Variants in DENND2B observed in about 807,000 individuals in gnomAD.
The protein encoded by DENND2B is DENN domain containing 2B.
Under a neutral mutation model 116.0 loss-of-function variants are expected in DENND2B, and 32 were observed. The observed-to-expected ratio is 0.28, with a 90% CI of 0.21 to 0.37. The LOEUF (loss-of-function observed/expected upper bound fraction) is 0.37, where lower values mean the gene tolerates loss of function less well. Ranked by LOEUF, DENND2B falls within the 10% of genes least tolerant of loss-of-function variation. The pLI, the probability that DENND2B is intolerant of heterozygous loss-of-function variation, is 1.00. For synonymous variants in DENND2B, 588 were observed against 583.9 expected, an observed-to-expected ratio of 1.01 and a Z score of -0.10; for missense variants, 1,276 against 1,477.7, an observed-to-expected ratio of 0.86 and a Z score of 2.24.
In DENND2B at chr11:8,805,604, G is replaced by A. The variant is rs552205495; in HGVS notation, c.-26+4913C>T. Among the ~76,000 whole-genome samples the A allele has an allele frequency of 6.2e-4, 95 of 152,038 alleles. 1 individual carries two copies. The highest frequency in any genetic ancestry group is 2.1e-3 in the African/African-American group (85 of 41,460). ...TTGGCTCTCTTCCTTCATTCGAATC[G>A]TGCTTGAAATCAGTCTGTTGGACCC... On this transcript the variant is annotated intron_variant, in intron 1 of 19. Transcript: ENST00000313726.
At chr11:8,795,431 G>A (rs1408070413) in intron 1 of DENND2B, among the ~76,000 whole-genome samples, 1 of 152,068 alleles carries the variant, frequency 6.6e-6, no homozygotes, top group East Asian at 1.9e-4. Flanking sequence ...TTCCAAACTT[G>A]TTAAAAATGC....
intron 11 of DENND2B, among the ~76,000 whole-genome samples, 187 bp downstream of exon 11, chr11:8,710,658 A>T (rs559223121): frequency 4.6e-5 from 7 of 152,104 alleles, no homozygotes; most frequent in African/African-American, 1.7e-4. Context: ...CTCCCAGGGT[A>T]GCCTCACCTG....
intron 3 of DENND2B, among the ~76,000 whole-genome samples, chr11:8,855,545 CAG>C (rs2134661389): frequency 6.6e-6 from 1 of 151,968 alleles, no homozygotes; most frequent in East Asian, 2.0e-4. Flanking sequence ...ACGGAGCAGG[CAG>C]ATGCAAAGAG....
chr11:8,745,971 T>C (rs1038526235), intron 2 of DENND2B, among the ~76,000 whole-genome samples: 9 of 152,226 alleles, frequency 5.9e-5, no homozygotes, highest in African/African-American at 2.2e-4. Context: ...CAAATTGCAA[T>C]TGGTGGGCAA....
At chr11:8,780,321 A>C (rs986248785) in intron 1 of DENND2B, among the ~76,000 whole-genome samples, 1 of 152,220 alleles carries the variant, frequency 6.6e-6, no homozygotes, top group Non-Finnish European at 1.5e-5. Flanking sequence ...TGCCATTAGA[A>C]AGATGAAATT....
intron 3 of DENND2B, among the ~76,000 whole-genome samples, chr11:8,853,747 G>A (rs72851528): frequency 0.023 from 3,472 of 152,292 alleles, 62 homozygotes; most frequent in Middle Eastern, 0.051. Flanking sequence ...ATCTGTATGC[G>A]TAGAGAAAGA....
At chr11:8,840,479 G>A (rs893809557) in intron 3 of DENND2B, among the ~76,000 whole-genome samples, 2 of 152,198 alleles carry the variant, frequency 1.3e-5, no homozygotes, top group African/African-American at 4.8e-5. Flanking sequence ...AGTCGGGCAA[G>A]CTTCCCACAC....
intron 1 of DENND2B, among the ~76,000 whole-genome samples, chr11:8,885,855 G>A (rs966195180): frequency 6.6e-6 from 1 of 152,118 alleles, no homozygotes; most frequent in African/African-American, 2.4e-5. Flanking sequence ...AATAAGTTTT[G>A]TATGTTCAGC....
At chr11:8,797,563 T>C (rs766563855) in intron 1 of DENND2B, among the ~76,000 whole-genome samples, 10 of 147,092 alleles carry the variant, frequency 6.8e-5, no homozygotes, top group Non-Finnish European at 1.0e-4. Context: ...TTCTCTTCTC[T>C]GAGACAGAGT....
chr11:8,832,681 C>A (rs2062263537), intron 4 of DENND2B: 1 of 152,510 alleles, frequency 6.6e-6, no homozygotes, highest in Non-Finnish European at 1.5e-5. Context: ...CAGATAGTTT[C>A]CCAGAAGTGT....
At chr11:8,901,232 T>TTCTTTTCTTTC (rs1383580426) in intron 1 of DENND2B, among the ~76,000 whole-genome samples, 3 of 82,756 alleles carry the variant, frequency 3.6e-5, no homozygotes, top group South Asian at 4.1e-4. Context: ...TTCTTTTCTT[T>TTCTTTTCTTTC]TTTTTTTTTT....
chr11:8,822,041 C>T (rs2061787218), intron 4 of DENND2B, among the ~76,000 whole-genome samples: 1 of 152,186 alleles, frequency 6.6e-6, no homozygotes, highest in East Asian at 1.9e-4. Context: ...TACCATTCAA[C>T]ATACATTTAT....
At position 8,693,979 on chromosome 11, in the gene DENND2B, G is replaced by T; in HGVS notation, c.*117C>A. ...GATGAAGGCAGAGGTGGGCTGGCTT[G>T]GAGGATAGGATCTGTGGGGGCAGAG... On this transcript the variant is annotated 3_prime_UTR_variant, in exon 20 of 20. Transcript: ENST00000313726. The T allele has an allele frequency of 9.4e-7, 1 of 1,064,006 alleles. No homozygotes were observed. The highest frequency in any genetic ancestry group is 1.4e-6 in the Non-Finnish European group (1 of 715,824). 65.9% of individuals were successfully genotyped at this position (1,064,006 alleles called of 1,614,324 possible). A position where few individuals can be genotyped will look rare whatever the true frequency, so the allele number is the denominator to read the frequency against.
intron 1 of DENND2B, among the ~76,000 whole-genome samples, chr11:8,803,562 C>G (rs957671104): frequency 6.6e-6 from 1 of 152,186 alleles, no homozygotes; most frequent in Non-Finnish European, 1.5e-5. Context: ...GACTTTCTAC[C>G]GCTATATGTA....
At chr11:8,718,455 G>A in intron 4 of DENND2B, 3 of 1,512,404 alleles carry the variant, frequency 2.0e-6, no homozygotes, top group Non-Finnish European at 1.8e-6. Context: ...AAGTCTTTTA[G>A]GGCAGGGTTT....
intron 2 of DENND2B, among the ~76,000 whole-genome samples, chr11:8,878,851 G>A (rs560242147): frequency 6.6e-6 from 1 of 152,314 alleles, no homozygotes; most frequent in South Asian, 2.1e-4. Context: ...AATCCACAGA[G>A]ACAGAAGATA....
chr11:8,772,729 G>A (rs924146965), intron 1 of DENND2B, among the ~76,000 whole-genome samples: 25 of 152,202 alleles, frequency 1.6e-4, no homozygotes, highest in African/African-American at 5.8e-4. Context: ...ACACCTGGGC[G>A]GCTCCAGCGT....
intron 2 of DENND2B, chr11:8,877,541 GA>G (rs1373727505): frequency 6.6e-6 from 1 of 151,996 alleles, no homozygotes; most frequent in Non-Finnish European, 1.5e-5. Flanking sequence ...TTTATTGGAA[GA>G]AATTAAAGTC....
intron 2 of DENND2B, among the ~76,000 whole-genome samples, chr11:8,864,464 C>T (rs892859523): frequency 6.6e-5 from 10 of 152,124 alleles, no homozygotes; most frequent in African/African-American, 2.4e-4. Flanking sequence ...AGGACAGAGT[C>T]TCACTGTGTT....
Sources: allele counts gnomAD v4.1 joint callset (sites outside exome capture counted in the v4.1 genomes callset), GRCh38; gene constraint gnomAD v4.1.1; transcripts MANE v1.5; gene names NCBI Gene and HGNC (gene_info 2026-07-23, HGNC 2026-07-21).